Variants in CDKL1 observed in about 807,000 individuals in gnomAD.
The protein encoded by CDKL1 is cyclin-dependent kinase-like 1.
In CDKL1, 41 loss-of-function variants were observed where a neutral mutation model predicts 42.0. The ratio of observed to expected loss-of-function variants is 0.98; its 90% CI spans 0.76 to 1.27. The LOEUF (loss-of-function observed/expected upper bound fraction) is 1.27, where lower values mean the gene tolerates loss of function less well. Among genes scored for constraint, CDKL1 ranks in the 50% most tolerant of loss-of-function variants. The pLI is 0.00. For missense variants in CDKL1, 394 were observed against 428.4 expected, an observed-to-expected ratio of 0.92 and a Z score of 0.71; for synonymous variants, 153 against 158.6, an observed-to-expected ratio of 0.96 and a Z score of 0.26.
intron 9 of CDKL1, 49 bp downstream of exon 9, chr14:50,332,213 C>G (rs2032986420): frequency 1.9e-6 from 3 of 1,614,178 alleles, no homozygotes; most frequent in Non-Finnish European, 2.5e-6. Flanking sequence ...AGTCTAGATT[C>G]CAACTCTCTG....
intron 2 of CDKL1, among the ~76,000 whole-genome samples, chr14:50,386,981 C>T (rs1334676019): frequency 6.7e-6 from 1 of 150,272 alleles, no homozygotes; most frequent in African/African-American, 2.5e-5. Context: ...AAGCCAAGAT[C>T]GCGCCACTGT....
At chr14:50,378,225 G>A in intron 2 of CDKL1, 1 of 1,366,452 alleles carries the variant, frequency 7.3e-7, no homozygotes, top group Non-Finnish European at 9.8e-7. Flanking sequence ...TCCTTAGGAG[G>A]GGGATGCCTG....
At chr14:50,360,167 C>T (rs1356819900) in intron 2 of CDKL1, among the ~76,000 whole-genome samples, 2 of 152,076 alleles carry the variant, frequency 1.3e-5, no homozygotes, top group East Asian at 1.9e-4. Context: ...GTTGTTTTAT[C>T]GCATTAACTT....
chr14:50,356,442 A>G (rs760078164), intron 3 of CDKL1, among the ~76,000 whole-genome samples: 14 of 152,244 alleles, frequency 9.2e-5, no homozygotes, highest in Admixed American at 2.6e-4. Context: ...TTTTCATACG[A>G]TGATAGACTG....
rs911781991 is a variant in CDKL1 at position 50,328,248 on chromosome 14, G to A, written c.*1826C>T. The A allele has an allele frequency of 6.6e-6, 1 of 152,000 alleles. No individual in the cohort carries two copies. The highest frequency in any genetic ancestry group is 2.4e-5 in the African/African-American group (1 of 41,368). The allele number at this position is 152,000 out of a possible 1,614,324, so 9.4% of individuals were successfully genotyped here. ...AAAAAATTTTTTTTTAACTATTCAC[G>A]GAAGCTGGATGTTCTTCCTTGTCAT... On this transcript the variant is annotated 3_prime_UTR_variant, in exon 10 of 10. Transcript: ENST00000395834.
intron 7 of CDKL1, chr14:50,336,290 C>G: frequency 8.2e-7 from 1 of 1,216,090 alleles, no homozygotes; most frequent in Non-Finnish European, 1.1e-6. Flanking sequence ...AACAGGAAAT[C>G]TGCAGGACAA....
intron 2 of CDKL1, among the ~76,000 whole-genome samples, chr14:50,385,997 T>C (rs2035071130): frequency 6.6e-6 from 1 of 152,066 alleles, no homozygotes; most frequent in South Asian, 2.1e-4. Context: ...GATAAATTTA[T>C]TGAGTATGGA....
At chr14:50,360,251 C>T (rs2034196471) in intron 2 of CDKL1, among the ~76,000 whole-genome samples, 1 of 152,104 alleles carries the variant, frequency 6.6e-6, no homozygotes, top group Non-Finnish European at 1.5e-5. Context: ...TTTAAGTGTA[C>T]AGCTCAGTGC....
rs2032858735 is a variant in CDKL1 at position 50,330,187 on chromosome 14, A to G, written c.967-6T>C. 3 of 1,599,324 alleles carry G rather than the reference A, an allele frequency of 1.9e-6. 1 individual carries two copies. In the South Asian group the frequency reaches 3.4e-5, roughly 18 times the overall value. On this transcript the variant is annotated splice_region_variant and splice_polypyrimidine_tract_variant and intron_variant, in intron 9 of 9. Coordinates refer to ENST00000395834, the MANE Select transcript of CDKL1 (RefSeq NM_004196.7). ...AGCTGGGGTAGGTACTGCAACTAAA[A>G]ATGCAAAACACAGAATTAGGTTCAA...
At chr14:50,368,780 T>C (rs1003583577) in intron 2 of CDKL1, among the ~76,000 whole-genome samples, 1 of 152,036 alleles carries the variant, frequency 6.6e-6, no homozygotes, top group Non-Finnish European at 1.5e-5. Flanking sequence ...TCTGTTCTGA[T>C]AAGCTCAGAC....
At chr14:50,351,596 G>C (rs187538482) in intron 3 of CDKL1, among the ~76,000 whole-genome samples, 122 of 152,012 alleles carry the variant, frequency 8.0e-4, no homozygotes, top group African/African-American at 2.9e-3. Context: ...TTAGCCAAGC[G>C]TGGTGGCAGG....
intron 3 of CDKL1, among the ~76,000 whole-genome samples, chr14:50,358,461 C>T (rs1464147018): frequency 6.6e-6 from 1 of 151,190 alleles, no homozygotes; most frequent in Admixed American, 6.6e-5. Flanking sequence ...ACTGAGATCA[C>T]TTCTATGCAG....
intron 6 of CDKL1, among the ~76,000 whole-genome samples, chr14:50,339,535 A>AGGGAG (rs537105380): frequency 1.3e-3 from 18 of 13,830 alleles, no homozygotes; most frequent in Non-Finnish European, 2.3e-3. Flanking sequence ...AGAGGGAGGG[A>AGGGAG]GGGAGGGGAG....
In CDKL1 at chr14:50,334,574, C is replaced by A. The variant is rs767875741; in HGVS notation, c.786G>T (p.Gly262=). 6.3e-7 allele frequency: 1 copy of A among 1,597,060 alleles called. No individual in the cohort carries two copies. The highest frequency in any genetic ancestry group is 1.1e-5 in the South Asian group (1 of 90,638). ...KFPNISYPAL[G]LLKGCLHMDP... ...AAGCCATGATTTTTACCTTTAGGAGCCCCAGGGCAGGATAAGAGATGTTTG... is the reference window on the plus strand; with the variant it reads ...AAGCCATGATTTTTACCTTTAGGAGACCCAGGGCAGGATAAGAGATGTTTG... Residue 262 remains glycine, a synonymous_variant, in exon 8 of 10, where the codon GGG becomes GGT. Coordinates refer to ENST00000395834, the MANE Select transcript of CDKL1 (RefSeq NM_004196.7).
At chr14:50,337,681 CTTT>C (rs71118872) in intron 7 of CDKL1, among the ~76,000 whole-genome samples, 15 of 133,576 alleles carry the variant, frequency 1.1e-4, no homozygotes, top group Admixed American at 1.6e-4. Flanking sequence ...TTTTTTCTTT[CTTT>C]TTTTTTTTTT....
At chr14:50,387,749 C>T (rs2035129843) in intron 2 of CDKL1, among the ~76,000 whole-genome samples, 1 of 152,162 alleles carries the variant, frequency 6.6e-6, no homozygotes, top group African/African-American at 2.4e-5. Flanking sequence ...CTGAACTCAG[C>T]TAAAACAATT....
At chr14:50,387,300 T>C (rs984192655) in intron 2 of CDKL1, among the ~76,000 whole-genome samples, 10 of 151,554 alleles carry the variant, frequency 6.6e-5, no homozygotes, top group Non-Finnish European at 1.5e-5. Flanking sequence ...GGCAGGTGGA[T>C]CACCTGAAGT....
intron 2 of CDKL1, 90 bp downstream of exon 2, chr14:50,395,611 G>A (rs1317382366): frequency 1.4e-5 from 12 of 854,134 alleles, no homozygotes; most frequent in Non-Finnish European, 2.2e-5. Context: ...AGGCTGCTGT[G>A]AGCTATGATC....
chr14:50,385,070 C>CAAA (rs55719234), intron 2 of CDKL1, among the ~76,000 whole-genome samples: 10 of 93,556 alleles, frequency 1.1e-4, no homozygotes, highest in African/African-American at 2.1e-4. Context: ...GACTCTGTCT[C>CAAA]AAAAAAAAAA....
Sources: allele counts gnomAD v4.1 joint callset (sites outside exome capture counted in the v4.1 genomes callset), GRCh38; gene constraint gnomAD v4.1.1; transcripts MANE v1.5; gene names NCBI Gene and HGNC (gene_info 2026-07-23, HGNC 2026-07-21).